Variants in ABHD3 observed in about 807,000 individuals in gnomAD.
ABHD3 encodes the protein abhydrolase domain containing 3, phospholipase.
In ABHD3, 46 loss-of-function variants were observed where a neutral mutation model predicts 48.8. That is an observed-to-expected ratio of 0.94 (90% CI 0.74 to 1.20). ABHD3 has a LOEUF of 1.20. Among genes scored for constraint, ABHD3 ranks in the 50% most tolerant of loss-of-function variants. The probability of loss-of-function intolerance (pLI) is 0.00; values close to 1 mark genes in which losing one functional copy is unlikely to be tolerated. For missense variants in ABHD3, 490 were observed against 497.8 expected (o/e 0.98, Z 0.15); for synonymous variants, 192 against 183.7 (o/e 1.04, Z -0.36).
In ABHD3 at chr18:21,659,188, A is replaced by G; in HGVS notation, c.824T>C (p.Leu275Pro). The G allele has an allele frequency of 6.2e-7, 1 of 1,613,588 alleles. No individual in the cohort carries two copies. The highest frequency in any genetic ancestry group is 8.5e-7 in the Non-Finnish European group (1 of 1,179,860). The change falls in exon 6 of 9, where the codon CTT (leucine) becomes CCT (proline). Residue 275 changes from leucine (L) to proline (P), a missense_variant. Leu to Pro is a moderately conservative substitution (Grantham distance 98). Coordinates refer to ENST00000289119, the MANE Select transcript of ABHD3 (RefSeq NM_138340.5). ...GACTCACTTATTAACTGAAGACTGAAGGCAGGTTGTCAAATAGTAATTAAA... is the reference window on the plus strand; with the variant it reads ...GACTCACTTATTAACTGAAGACTGAGGGCAGGTTGTCAAATAGTAATTAAA... ...LLFNYYLTTC[L>P]QSSVNKHRHM...
At chr18:21,675,966 T>C (rs1274671072) in intron 4 of ABHD3, among the ~76,000 whole-genome samples, 1 of 152,102 alleles carries the variant, frequency 6.6e-6, no homozygotes, top group African/African-American at 2.4e-5. Context: ...TATTATATAC[T>C]TGAAAGTCTT....
chr18:21,702,569 A>T, intron 2 of ABHD3, 71 bp from the exon 3 acceptor site: 1 of 1,253,414 alleles, frequency 8.0e-7, no homozygotes, highest in Non-Finnish European at 1.1e-6. Flanking sequence ...AATTCTAAAC[A>T]CATGACATTA....
intron 4 of ABHD3, among the ~76,000 whole-genome samples, chr18:21,671,133 G>C (rs1290220006): frequency 4.6e-5 from 7 of 152,158 alleles, no homozygotes; most frequent in Non-Finnish European, 8.8e-5. Flanking sequence ...TCCCATGTGA[G>C]TCTCTATCAC....
chr18:21,663,509 G>A (rs949004840), intron 5 of ABHD3, among the ~76,000 whole-genome samples: 3 of 151,006 alleles, frequency 2.0e-5, no homozygotes, highest in African/African-American at 7.3e-5. Context: ...AGCCTAAATA[G>A]GAAAGTTCCA....
chr18:21,664,719 C>G (rs1327266796), intron 4 of ABHD3, among the ~76,000 whole-genome samples: 2 of 151,932 alleles, frequency 1.3e-5, no homozygotes, highest in African/African-American at 4.8e-5. Flanking sequence ...CAGCCTCGAC[C>G]TCCCAGGCTC....
chr18:21,700,952 CAA>C (rs34993965), intron 3 of ABHD3, among the ~76,000 whole-genome samples: 1,106 of 81,650 alleles, frequency 0.014, 13 homozygotes, highest in African/African-American at 0.045. Flanking sequence ...GATTTGGCCT[CAA>C]AAAAAAAAAA....
rs115402165 is a variant in ABHD3, at chr18:21,704,716, C to A, written c.-51G>T. On this transcript the variant is annotated 5_prime_UTR_variant, in exon 1 of 9. Coordinates refer to ENST00000289119, the MANE Select transcript of ABHD3 (RefSeq NM_138340.5). ...CTGCGGCGGGAGGAGAGCCGGCTGG[C>A]GAGCGGGCGAGAGCGGGCGAGAGCG... 9.9e-6 allele frequency: 13 copies of A among 1,317,226 alleles called. No individual in the cohort carries two copies. The highest frequency in any genetic ancestry group is 1.3e-5 in the Non-Finnish European group (13 of 1,025,020). 81.6% of individuals were successfully genotyped at this position (1,317,226 alleles called of 1,614,324 possible).
In ABHD3 at chr18:21,666,058, T is replaced by G. The variant is rs182397451; in HGVS notation, c.556-1828A>C. Among the ~76,000 whole-genome samples, 118 of 152,136 alleles carry G rather than the reference T, an allele frequency of 7.8e-4. 4 individuals are homozygous for G. The highest frequency in any genetic ancestry group is 2.7e-3 in the African/African-American group (110 of 41,500). On this transcript the variant is annotated intron_variant, in intron 4 of 8. Coordinates refer to ENST00000289119, the MANE Select transcript of ABHD3 (RefSeq NM_138340.5). ...TTTTATTTATTTTTTTTGAGATGGA[T>G]TCTTGCTCTGTCGCCCAGGCTGGGG... is the stretch of plus-strand genomic sequence containing the variant.
At chr18:21,670,507 A>C (rs1035193291) in intron 4 of ABHD3, among the ~76,000 whole-genome samples, 1 of 152,194 alleles carries the variant, frequency 6.6e-6, no homozygotes, top group Non-Finnish European at 1.5e-5. Flanking sequence ...CTACTGAATT[A>C]AGCCTCTGCC....
intron 6 of ABHD3, among the ~76,000 whole-genome samples, chr18:21,658,865 G>A (rs2146282796): frequency 6.8e-6 from 1 of 146,704 alleles, no homozygotes; most frequent in African/African-American, 2.5e-5. Context: ...TTGAGACGGA[G>A]TCTTGCTCTG....
intron 6 of ABHD3, among the ~76,000 whole-genome samples, chr18:21,657,875 T>TA (rs749693424): frequency 6.6e-5 from 10 of 151,680 alleles, no homozygotes; most frequent in East Asian, 3.9e-4. Context: ...AAATTAAAAA[T>TA]AAAAAAAATT....
chr18:21,695,913 A>C (rs559565247), intron 3 of ABHD3, among the ~76,000 whole-genome samples: 3 of 152,296 alleles, frequency 2.0e-5, no homozygotes, highest in South Asian at 4.1e-4. Flanking sequence ...TTGCAGCCCC[A>C]AAATACTTAT....
Position 21,704,599 on chromosome 18 carries a change from C to A in ABHD3, c.67G>T (p.Val23Phe). The A allele has an allele frequency of 1.3e-6, 2 of 1,555,040 alleles. No individual in the cohort carries two copies. The highest frequency in any genetic ancestry group is 5.3e-5 in the East Asian group (2 of 38,048). The change falls in exon 1 of 9, where the codon GTC becomes TTC. Residue 23 changes from valine (V) to phenylalanine (F), a missense_variant. Transcript: ENST00000289119. ...CCCGAGCCGAAGAACCCCACCCGGACTTGGTGTTCCAGGTAGAGGGAGAGC... is the reference window on the plus strand; with the variant it reads ...CCCGAGCCGAAGAACCCCACCCGGAATTGGTGTTCCAGGTAGAGGGAGAGC... Reference protein sequence around the residue: ...RELSLYLEHQVRVGFFGSGVG... With the variant: ...RELSLYLEHQFRVGFFGSGVG...
At position 21,704,677 on chromosome 18, in the gene ABHD3, G is replaced by A; in HGVS notation, c.-12C>T. The A allele has an allele frequency of 6.8e-7, 1 of 1,467,872 alleles. No individual in the cohort carries two copies. The highest frequency in any genetic ancestry group is 1.4e-5 in the South Asian group (1 of 72,482). The allele number at this position is 1,467,872 out of a possible 1,614,324, so 90.9% of individuals were successfully genotyped here. A position where few individuals can be genotyped will look rare whatever the true frequency, so the allele number is the denominator to read the frequency against. ...GCCAGGCGCTGCATGGCCCCCGAGC[G>A]CGGCGCGCGGGTCCTGCGGCGGGAG... On this transcript the variant is annotated 5_prime_UTR_variant, in exon 1 of 9. Transcript: ENST00000289119.
chr18:21,689,861 T>A (rs904277077), intron 3 of ABHD3, among the ~76,000 whole-genome samples: 6 of 152,044 alleles, frequency 3.9e-5, no homozygotes, highest in Admixed American at 6.6e-5. Flanking sequence ...GTTAACTATC[T>A]AATAAAGCAA....
At chr18:21,668,462 G>C (rs1413809233) in intron 4 of ABHD3, among the ~76,000 whole-genome samples, 1 of 152,036 alleles carries the variant, frequency 6.6e-6, no homozygotes, top group African/African-American at 2.4e-5. Context: ...GACACATACA[G>C]AGTTAGGGCA....
chr18:21,700,827 C>CAAAAAAA lies in ABHD3; in HGVS notation c.509+1482_509+1488dup, dbSNP rs375239917. Among the ~76,000 whole-genome samples the CAAAAAAA allele has an allele frequency of 1.9e-3, 181 of 94,360 alleles. 9 individuals are homozygous for CAAAAAAA. The highest frequency in any genetic ancestry group is 5.8e-3 in the African/African-American group (167 of 28,652). The allele number at this position is 94,360 out of a possible 152,430, so 61.9% of individuals were successfully genotyped here. On this transcript the variant is annotated intron_variant, in intron 3 of 8. Transcript: ENST00000289119. ...TTTCTGAGCATGACTAAGTTTTAGC[C>CAAAAAAA]AAAAAAAAAAAAAAAAAAAAAATGG...
Position 21,659,223 on chromosome 18 carries a change from G to C in ABHD3, c.789C>G (p.Asn263Lys), listed in dbSNP as rs779560041. The C allele has an allele frequency of 1.2e-6, 2 of 1,613,946 alleles. No individual in the cohort carries two copies. Among genetic ancestry groups the C allele is most frequent in the Non-Finnish European group, 1.7e-6 (2 of 1,179,948 alleles). ...ACSESLEKPL[N>K]WLLFNYYLTT... The stretch of plus-strand genomic sequence containing the variant: ...TCAAATAGTAATTAAAAAGTAGCCA[G>C]TTCAGTGGTTTTTCCAATGACTCTG... The change falls in exon 6 of 9, where the codon AAC becomes AAG. Residue 263 changes from asparagine to lysine, a missense_variant. Coordinates refer to ENST00000289119, the MANE Select transcript of ABHD3 (RefSeq NM_138340.5).
intron 8 of ABHD3, among the ~76,000 whole-genome samples, chr18:21,654,205 A>C (rs1433710791): frequency 2.6e-5 from 4 of 152,060 alleles, no homozygotes; most frequent in Non-Finnish European, 4.4e-5. Flanking sequence ...GCAACAGAGC[A>C]AGATCCTGTC....
Sources: allele counts gnomAD v4.1 joint callset (sites outside exome capture counted in the v4.1 genomes callset), GRCh38; gene constraint gnomAD v4.1.1; transcripts MANE v1.5; gene names NCBI Gene and HGNC (gene_info 2026-07-23, HGNC 2026-07-21).